The following XKR4 variants were observed in gnomAD, a reference collection of about 807,000 sequenced individuals.
XKR4 encodes the protein XK related 4.
XKR4 carries 12 observed loss-of-function variants against 53.9 expected under a neutral mutation model. The observed-to-expected ratio is 0.22, with a 90% CI of 0.14 to 0.36. The LOEUF (loss-of-function observed/expected upper bound fraction) is 0.36. Ranked by LOEUF, XKR4 falls within the 10% of genes least tolerant of loss-of-function variation. XKR4 has a pLI of 1.00. For missense variants in XKR4, 799 were observed against 859.5 expected, an observed-to-expected ratio of 0.93 and a Z score of 0.88; for synonymous variants, 354 against 362.4, an observed-to-expected ratio of 0.98 and a Z score of 0.26.
At chr8:55,161,431 G>A (rs1334822510) in intron 1 of XKR4, 1 of 421,482 alleles carries the variant, frequency 2.4e-6, no homozygotes, top group South Asian at 1.7e-5. Context: ...TCTCTCTGAG[G>A]TCCCAAGGGA....
chr8:55,223,042 G>A (rs1445628191), intron 1 of XKR4, among the ~76,000 whole-genome samples: 1 of 152,118 alleles, frequency 6.6e-6, no homozygotes, highest in Non-Finnish European at 1.5e-5. Flanking sequence ...TCCAGGAGAG[G>A]AAAGAGCACC....
At chr8:55,398,890 G>GA (rs1294960373) in intron 2 of XKR4, among the ~76,000 whole-genome samples, 1 of 152,192 alleles carries the variant, frequency 6.6e-6, no homozygotes, top group African/African-American at 2.4e-5. Context: ...ATTATCATCT[G>GA]AAAAAATAAT....
chr8:55,129,720 T>C (rs559116403), intron 1 of XKR4, among the ~76,000 whole-genome samples: 1 of 152,280 alleles, frequency 6.6e-6, no homozygotes, highest in South Asian at 2.1e-4. Flanking sequence ...TTGTTATATT[T>C]TACATGAGAG....
At chr8:55,479,117 A>G (rs1467280179) in intron 2 of XKR4, among the ~76,000 whole-genome samples, 1 of 152,030 alleles carries the variant, frequency 6.6e-6, no homozygotes, top group East Asian at 1.9e-4. Flanking sequence ...GCACCACACC[A>G]CACCTATTCC....
intron 2 of XKR4, among the ~76,000 whole-genome samples, chr8:55,363,955 C>A (rs116098871): frequency 0.019 from 2,938 of 152,278 alleles, 85 homozygotes; most frequent in African/African-American, 0.066. Flanking sequence ...TATAATGTGA[C>A]GCTATAAACA....
rs937536221 is a variant in XKR4, at chr8:55,449,645, C to A, written c.1007-73636C>A. 4.8e-5 allele frequency: 46 copies of A among 962,690 alleles called. 1 individual carries two copies. In the South Asian group the frequency reaches 5.6e-4, roughly 12 times the overall value. 59.6% of individuals were successfully genotyped at this position (962,690 alleles called of 1,614,324 possible). ...CTTCTCATCCACGCTCTTAGGGGCA[C>A]CCATGGTGGCCATGCCAGGTGCCAC... On this transcript the variant is annotated intron_variant, in intron 2 of 2. Coordinates refer to ENST00000327381, the MANE Select transcript of XKR4 (RefSeq NM_052898.2).
In XKR4 at chr8:55,321,804, C is replaced by T. The variant is rs561510776; in HGVS notation, c.807-35874C>T. Among the ~76,000 whole-genome samples, 25 of 152,230 alleles carry T rather than the reference C, an allele frequency of 1.6e-4. 1 individual carries two copies. Among genetic ancestry groups the T allele is most frequent in the Non-Finnish European group, 8.8e-5 (6 of 68,018 alleles). Reference sequence around the variant, plus strand: ...AAGAGATCAAGAACATCCTGGCCAACGTGGTGAAACCCCGTCTCTACTAAA... The same window carrying T: ...AAGAGATCAAGAACATCCTGGCCAATGTGGTGAAACCCCGTCTCTACTAAA... On this transcript the variant is annotated intron_variant, in intron 1 of 2. Transcript: ENST00000327381.
chr8:55,261,893 A>C (rs914458225), intron 1 of XKR4, among the ~76,000 whole-genome samples: 11 of 151,998 alleles, frequency 7.2e-5, no homozygotes, highest in African/African-American at 2.7e-4. Flanking sequence ...TTTTTAAAAA[A>C]AAGTATATTC....
intron 1 of XKR4, among the ~76,000 whole-genome samples, chr8:55,250,281 A>G (rs1286275523): frequency 2.0e-5 from 3 of 152,234 alleles, no homozygotes; most frequent in Non-Finnish European, 2.9e-5. Context: ...CCAAATATAA[A>G]GTCAAAATTA....
At chr8:55,300,022 T>C (rs766877957) in intron 1 of XKR4, among the ~76,000 whole-genome samples, 1 of 152,084 alleles carries the variant, frequency 6.6e-6, no homozygotes, top group African/African-American at 2.4e-5. Flanking sequence ...GACACAAGAC[T>C]GTCTGGAGGT....
At chr8:55,188,019 C>G (rs1450352330) in intron 1 of XKR4, among the ~76,000 whole-genome samples, 1 of 152,084 alleles carries the variant, frequency 6.6e-6, no homozygotes, top group Non-Finnish European at 1.5e-5. Context: ...CCAATGAAGA[C>G]AAAAATCAAA....
In XKR4 at chr8:55,535,966, T is replaced by C. The variant is rs1807026313; in HGVS notation, c.*11739T>C. 2 of 152,222 alleles carry C rather than the reference T, an allele frequency of 1.3e-5. No individual in the cohort carries two copies. Among genetic ancestry groups the C allele is most frequent in the South Asian group, 2.1e-4 (1 of 4,836 alleles). The allele number at this position is 152,222 out of a possible 1,614,324, so 9.4% of individuals were successfully genotyped here. On this transcript the variant is annotated 3_prime_UTR_variant, in exon 3 of 3. Coordinates refer to ENST00000327381, the MANE Select transcript of XKR4 (RefSeq NM_052898.2). ...TAAGGTATTCCAAGGTATTGTAAGT[T>C]ACCCTTGTTTGTAGAACATGAACCA...
intron 1 of XKR4, among the ~76,000 whole-genome samples, chr8:55,263,517 A>G (rs1469636905): frequency 1.3e-5 from 2 of 152,158 alleles, no homozygotes; most frequent in Non-Finnish European, 2.9e-5. Flanking sequence ...AAACTAGAGC[A>G]CTCAGATTTT....
chr8:55,194,412 G>C (rs1386332679), intron 1 of XKR4, among the ~76,000 whole-genome samples: 1 of 152,146 alleles, frequency 6.6e-6, no homozygotes, highest in African/African-American at 2.4e-5. Context: ...TCTCCAGCCA[G>C]GATTCAGGCT....
chr8:55,346,939 G>A (rs1192406248), intron 1 of XKR4, among the ~76,000 whole-genome samples: 1 of 152,026 alleles, frequency 6.6e-6, no homozygotes, highest in Non-Finnish European at 1.5e-5. Context: ...TATCATCATA[G>A]GTATTAATGA....
At chr8:55,164,668 G>A (rs1404117224) in intron 1 of XKR4, 3 of 310,314 alleles carry the variant, frequency 9.7e-6, no homozygotes, top group East Asian at 8.0e-5. Flanking sequence ...GTTTACAGGG[G>A]GAAAGAGACC....
At chr8:55,511,091 C>T (rs1165705130) in intron 2 of XKR4, among the ~76,000 whole-genome samples, 3 of 152,284 alleles carry the variant, frequency 2.0e-5, no homozygotes, top group Non-Finnish European at 4.4e-5. Flanking sequence ...CAGCAAGCCA[C>T]GTTCTTTTTA....
intron 1 of XKR4, among the ~76,000 whole-genome samples, chr8:55,296,253 C>T (rs570146988): frequency 7.9e-5 from 12 of 152,268 alleles, no homozygotes; most frequent in East Asian, 3.9e-4. Context: ...TGCTGTTGCA[C>T]GTATCACTTC....
intron 1 of XKR4, among the ~76,000 whole-genome samples, chr8:55,304,260 A>C (rs979645240): frequency 2.0e-5 from 3 of 152,180 alleles, no homozygotes; most frequent in African/African-American, 7.2e-5. Flanking sequence ...TTATGTACCC[A>C]GTAGTCATTC....
Sources: gnomAD v4.1 joint callset for allele counts (sites outside exome capture counted in the v4.1 genomes callset) on GRCh38, gnomAD v4.1.1 for gene constraint, MANE v1.5 for transcripts, NCBI Gene and HGNC (gene_info 2026-07-23, HGNC 2026-07-21) for gene names.